KDM4B: variants seen among roughly 807,000 people sequenced by gnomAD.
KDM4B encodes the protein lysine demethylase 4B.
Under a neutral mutation model 125.2 loss-of-function variants are expected in KDM4B, and 32 were observed. That is an observed-to-expected ratio of 0.26 (90% CI 0.19 to 0.34). KDM4B has a LOEUF of 0.34. Ranked by LOEUF, KDM4B falls within the 10% of genes least tolerant of loss-of-function variation. KDM4B has a pLI of 1.00. For synonymous variants in KDM4B, 721 were observed against 677.9 expected (o/e 1.06, Z -0.99); for missense variants, 1,190 against 1,577.7 (o/e 0.75, Z 4.16).
rs1011420774 is a variant in KDM4B at position 5,078,610 on chromosome 19, T to A, written c.780+1140T>A. ...GCTCAGGGAAGTGAGAAGTACTGATTTTCTGGCTGGTTTGTCTAAAACCTT... is the reference window on the plus strand; with the variant it reads ...GCTCAGGGAAGTGAGAAGTACTGATATTCTGGCTGGTTTGTCTAAAACCTT... On this transcript the variant is annotated intron_variant, in intron 8 of 22. Transcript: ENST00000159111. The surrounding 1 kb of genome is among the most constrained non-coding windows in gnomAD (Gnocchi z 4.5). The A allele has an allele frequency of 6.6e-6, 1 of 151,926 alleles. No homozygotes were observed. Among genetic ancestry groups the A allele is most frequent in the Non-Finnish European group, 1.5e-5 (1 of 68,026 alleles). The allele number at this position is 151,926 out of a possible 1,614,324, so 9.4% of individuals were successfully genotyped here. A position where few individuals can be genotyped will look rare whatever the true frequency, so the allele number is the denominator to read the frequency against.
chr19:5,012,347 G>T (rs1193879139), intron 1 of KDM4B, among the ~76,000 whole-genome samples: 2 of 152,202 alleles, frequency 1.3e-5, no homozygotes, highest in Non-Finnish European at 2.9e-5. Context: ...CTGTTGTGGC[G>T]CATTTGTCTC....
intron 2 of KDM4B, among the ~76,000 whole-genome samples, 182 bp from the exon 3 acceptor site, chr19:5,032,684 A>G (rs903508001): frequency 6.6e-6 from 1 of 152,182 alleles, no homozygotes; most frequent in Non-Finnish European, 1.5e-5. Flanking sequence ...TTTTATGCTC[A>G]GCAGAGTGAC....
intron 13 of KDM4B, 118 bp downstream of exon 13, chr19:5,132,125 T>C: frequency 7.9e-7 from 1 of 1,269,924 alleles, no homozygotes; most frequent in Non-Finnish European, 1.1e-6. Flanking sequence ...TCTCCTCCCC[T>C]GAACCCAGGC....
At position 5,119,831 on chromosome 19, in the gene KDM4B, C is replaced by T. The variant is rs908556179; in HGVS notation, c.1294C>T (p.Arg432Trp). ...EEEPQPLPHG[R>W]EAEGAEEDGR... ...GGAGCCGCAGCCACTGCCACACGGC[C>T]GGGAGGCCGAGGGCGCAGAAGGTCA... is the stretch of plus-strand genomic sequence containing the variant. Residue 432 changes from arginine (R) to tryptophan (W), a missense_variant, in exon 11 of 23, where the codon CGG becomes TGG. Arg to Trp is a moderately radical substitution (Grantham distance 101). This residue lies in a region of KDM4B where 428 missense variants were observed against 405.1 expected (regional missense o/e 1.06). Coordinates refer to ENST00000159111, the MANE Select transcript of KDM4B (RefSeq NM_015015.3). 16 of 1,545,288 alleles carry T rather than the reference C, an allele frequency of 1.0e-5. No individual in the cohort carries two copies. Among genetic ancestry groups the T allele is most frequent in the African/African-American group, 4.1e-5 (3 of 72,900 alleles).
chr19:4,978,904 C>G (rs1348469748), intron 1 of KDM4B, among the ~76,000 whole-genome samples: 2 of 152,192 alleles, frequency 1.3e-5, no homozygotes, highest in Admixed American at 1.3e-4. Flanking sequence ...TTCATGCGTG[C>G]CTGGTCAGGG....
intron 2 of KDM4B, among the ~76,000 whole-genome samples, chr19:5,017,497 G>A (rs1056878064): frequency 1.3e-5 from 2 of 152,132 alleles, no homozygotes; most frequent in African/African-American, 4.8e-5. Context: ...AAAACCATGC[G>A]CCTCCTCTTG....
chr19:5,142,547 G>A lies in KDM4B; in HGVS notation c.2551-1420G>A, dbSNP rs1372450346. Among the ~76,000 whole-genome samples, 1 of 152,120 alleles carries A rather than the reference G, an allele frequency of 6.6e-6. No homozygotes were observed. Among genetic ancestry groups the A allele is most frequent in the Non-Finnish European group, 1.5e-5 (1 of 68,006 alleles). On this transcript the variant is annotated intron_variant, in intron 18 of 22. Transcript: ENST00000159111. The surrounding 1 kb of genome is among the most constrained non-coding windows in gnomAD (Gnocchi z 5.4). The stretch of plus-strand genomic sequence containing the variant: ...GTGCTGGGCACCAGCCTGCCCCGGG[G>A]CTGGGTTTCTCCTGGGCCTGGGCCG...
At position 4,971,985 on chromosome 19, in the gene KDM4B, G is replaced by A. The variant is rs183568464; in HGVS notation, c.-109+2755G>A. 1.3e-5 allele frequency among the ~76,000 whole-genome samples: 2 copies of A among 152,248 alleles called. No homozygotes were observed. The highest frequency in any genetic ancestry group is 2.1e-4 in the South Asian group (1 of 4,824). On this transcript the variant is annotated intron_variant, in intron 1 of 22. Coordinates refer to ENST00000159111, the MANE Select transcript of KDM4B (RefSeq NM_015015.3). The surrounding 1 kb of genome is among the most constrained non-coding windows in gnomAD (Gnocchi z 4.1). ...GCTCCGCAGGCCTGCACTGGTCACC[G>A]CCATGACAGATCGGCCGTCCTCATC...
At chr19:5,045,466 A>C (rs1444468490) in intron 5 of KDM4B, among the ~76,000 whole-genome samples, 4 of 152,108 alleles carry the variant, frequency 2.6e-5, no homozygotes, top group African/African-American at 9.6e-5. Flanking sequence ...GGCTCACTGC[A>C]ACCTCCACTT....
Position 5,152,309 on chromosome 19 carries a change from T to G in KDM4B, c.*798T>G, listed in dbSNP as rs956225978. On this transcript the variant is annotated 3_prime_UTR_variant, in exon 23 of 23. Coordinates refer to ENST00000159111, the MANE Select transcript of KDM4B (RefSeq NM_015015.3). The stretch of plus-strand genomic sequence containing the variant: ...GAAGCCCGGGGGTCTGGGGCCTCCC[T>G]CCGTCTGCGCCCACCTTTGCAGAAT... 1 of 152,250 alleles carries G rather than the reference T, an allele frequency of 6.6e-6. No homozygotes were observed. Among genetic ancestry groups the G allele is most frequent in the African/African-American group, 2.4e-5 (1 of 41,448 alleles). The allele number at this position is 152,250 out of a possible 1,614,324, so 9.4% of individuals were successfully genotyped here.
At chr19:4,985,599 T>C (rs983715265) in intron 1 of KDM4B, among the ~76,000 whole-genome samples, 1 of 152,038 alleles carries the variant, frequency 6.6e-6, no homozygotes, top group Non-Finnish European at 1.5e-5. Context: ...CCGAGGGTGG[T>C]GAGGATGGAA....
rs145613105 is a variant in KDM4B, at chr19:5,078,546, A to C, written c.780+1076A>C. ...TTCTCCCCCGTCTTCTGGTTGGAAC[A>C]TCATTCAGTACCAGCAAAACCAGAC... On this transcript the variant is annotated intron_variant, in intron 8 of 22. Coordinates refer to ENST00000159111, the MANE Select transcript of KDM4B (RefSeq NM_015015.3). The surrounding 1 kb of genome is among the most constrained non-coding windows in gnomAD (Gnocchi z 4.5). 2 of 151,820 alleles carry C rather than the reference A, an allele frequency of 1.3e-5. No individual in the cohort carries two copies. The highest frequency in any genetic ancestry group is 2.9e-5 in the Non-Finnish European group (2 of 67,998). 9.4% of individuals were successfully genotyped at this position (151,820 alleles called of 1,614,324 possible). A position where few individuals can be genotyped will look rare whatever the true frequency, so the allele number is the denominator to read the frequency against.
At chr19:4,993,941 C>G (rs1441870568) in intron 1 of KDM4B, among the ~76,000 whole-genome samples, 1 of 148,058 alleles carries the variant, frequency 6.8e-6, no homozygotes, top group Non-Finnish European at 1.5e-5. Context: ...TCTATTTTGT[C>G]TGATGTTAGT....
intron 1 of KDM4B, among the ~76,000 whole-genome samples, chr19:5,003,904 C>T (rs952013194): frequency 5.9e-5 from 9 of 152,294 alleles, no homozygotes; most frequent in African/African-American, 1.9e-4. Context: ...TGGTCTTCCT[C>T]GTCTCTCCAC....
At chr19:5,119,262 A>G (rs2039314049) in intron 10 of KDM4B, 1 of 1,304,524 alleles carries the variant, frequency 7.7e-7, no homozygotes, top group Non-Finnish European at 1.1e-6. Flanking sequence ...GGCATTTTCC[A>G]TGAGCTGCTG....
At chr19:4,989,064 G>A (rs1186790201) in intron 1 of KDM4B, among the ~76,000 whole-genome samples, 2 of 152,232 alleles carry the variant, frequency 1.3e-5, no homozygotes, top group African/African-American at 4.8e-5. Context: ...TCACTGGGCC[G>A]GTCCCTTGCC....
chr19:5,000,319 A>C (rs768253112), intron 1 of KDM4B, among the ~76,000 whole-genome samples: 1 of 148,914 alleles, frequency 6.7e-6, no homozygotes, highest in Non-Finnish European at 1.5e-5. Flanking sequence ...CCGTCTGTCC[A>C]TCCATCCATC....
In KDM4B at chr19:5,015,270, C is replaced by T. The variant is rs568524726; in HGVS notation, c.-108-987C>T. On this transcript the variant is annotated intron_variant, in intron 1 of 22. Transcript: ENST00000159111. The stretch of plus-strand genomic sequence containing the variant: ...GTGAAAGTCCTTTTTTTTCCCTAGA[C>T]GTAGTCTTGCTCTGTCACCCAGGTT... Among the ~76,000 whole-genome samples the T allele has an allele frequency of 7.2e-5, 11 of 151,934 alleles. 1 individual carries two copies. In the South Asian group the frequency reaches 1.5e-3, roughly 20 times the overall value.
In KDM4B at chr19:5,110,632, G is replaced by A. The variant is rs1266344078; in HGVS notation, c.929G>A (p.Arg310Gln). 9.9e-6 allele frequency: 16 copies of A among 1,612,784 alleles called. No individual in the cohort carries two copies. Among genetic ancestry groups the A allele is most frequent in the South Asian group, 3.3e-5 (3 of 91,070 alleles). ...YGKVATQCTC[R>Q]KDMVKISMDV... is the part of the protein sequence containing the mutation. ...TGTCCCCTGCCGCAGTGCACGTGCCGGAAGGACATGGTCAAGATCTCCATG... is the reference window on the plus strand; with the variant it reads ...TGTCCCCTGCCGCAGTGCACGTGCCAGAAGGACATGGTCAAGATCTCCATG... The change falls in exon 10 of 23, where the codon CGG becomes CAG. Residue 310 changes from arginine (R) to glutamine (Q), a missense_variant. Transcript: ENST00000159111.
Sources: gnomAD v4.1 joint callset for allele counts (sites outside exome capture counted in the v4.1 genomes callset) on GRCh38, gnomAD v4.1.1 for gene constraint, gnomAD v4.1.1 regional missense constraint, Gnocchi (gnomAD v3.1) non-coding constraint, MANE v1.5 for transcripts, NCBI Gene and HGNC (gene_info 2026-07-23, HGNC 2026-07-21) for gene names.